Variants in SBF2 observed in about 807,000 individuals in gnomAD.
The protein encoded by SBF2 is SET binding factor 2.
SBF2 carries 112 observed loss-of-function variants against 225.2 expected under a neutral mutation model. That is an observed-to-expected ratio of 0.50 (90% confidence interval 0.43 to 0.58). SBF2 has a LOEUF of 0.58. SBF2 is among the 20% of genes least tolerant of loss of function. SBF2 has a pLI of 0.00. For missense variants in SBF2, 1,996 were observed against 2,206.2 expected (o/e 0.90, Z 1.91); for synonymous variants, 763 against 773.3 (o/e 0.99, Z 0.22).
rs1356398800 is a variant in SBF2 at position 9,856,726 on chromosome 11, A to T, written c.2101-6T>A. ...TGGTCATCAGGAAGCTTATCCTAAA[A>T]AATAAAGCAACACAATCCAAAAGAG... On this transcript the variant is annotated splice_polypyrimidine_tract_variant and splice_region_variant and intron_variant, in intron 18 of 39. Coordinates refer to ENST00000256190, the MANE Select transcript of SBF2 (RefSeq NM_030962.4). 6.2e-7 allele frequency: 1 copy of T among 1,613,542 alleles called. No homozygotes were observed.
chr11:10,009,088 G>C (rs1273864138), intron 6 of SBF2, among the ~76,000 whole-genome samples: 2 of 152,286 alleles, frequency 1.3e-5, no homozygotes, highest in East Asian at 3.9e-4. Flanking sequence ...AGAGGCTCCA[G>C]GGCAGACATC....
chr11:10,258,017 A>T (rs1961020829), intron 1 of SBF2, among the ~76,000 whole-genome samples: 1 of 152,014 alleles, frequency 6.6e-6, no homozygotes, highest in Non-Finnish European at 1.5e-5. Flanking sequence ...ATTGTAGGAC[A>T]TATCAGAATT....
chr11:10,135,119 G>A (rs373070281), intron 2 of SBF2, among the ~76,000 whole-genome samples: 191 of 152,272 alleles, frequency 1.3e-3, no homozygotes, highest in Middle Eastern at 6.8e-3. Flanking sequence ...GCTCAACACC[G>A]CGTTGAAGTT....
At chr11:10,194,121 A>G (rs1291439936) in intron 1 of SBF2, 134 bp from the exon 2 acceptor site, 1 of 736,018 alleles carries the variant, frequency 1.4e-6, no homozygotes, top group Non-Finnish European at 2.4e-6. Context: ...CAAGTTTTAA[A>G]AAACATGTGA....
At chr11:9,934,374 G>A (rs7129288) in intron 16 of SBF2, among the ~76,000 whole-genome samples, 4 of 152,064 alleles carry the variant, frequency 2.6e-5, no homozygotes, top group East Asian at 1.9e-4. Context: ...TTCTACCAGA[G>A]GTACAAAGAG....
At chr11:10,197,845 T>A (rs1212749168) in intron 1 of SBF2, among the ~76,000 whole-genome samples, 1 of 152,214 alleles carries the variant, frequency 6.6e-6, no homozygotes, top group African/African-American at 2.4e-5. Context: ...AAGAAACCAT[T>A]TTCTTTGTTT....
At chr11:10,101,175 C>G (rs1952284907) in intron 2 of SBF2, among the ~76,000 whole-genome samples, 1 of 152,214 alleles carries the variant, frequency 6.6e-6, no homozygotes, top group African/African-American at 2.4e-5. Context: ...GGAAGCTCAA[C>G]AGGCCTGACT....
At position 10,132,837 on chromosome 11, in the gene SBF2, G is replaced by T. The variant is rs539977237; in HGVS notation, c.141+61065C>A. ...GGCCTGTTTTGTCAGGGCGCTGATT[G>T]GTGCGTTTACAATCCCTGAGCTAGA... On this transcript the variant is annotated intron_variant, in intron 2 of 39. Transcript: ENST00000256190. Among the ~76,000 whole-genome samples the T allele has an allele frequency of 2.0e-5, 3 of 148,970 alleles. 1 individual carries two copies. In the East Asian group the frequency reaches 6.6e-4, roughly 33 times the overall value.
intron 16 of SBF2, chr11:9,958,391 G>GCT (rs1255963411): frequency 1.5e-5 from 2 of 134,270 alleles, no homozygotes; most frequent in South Asian, 2.3e-4. Flanking sequence ...ACGGAGTCTC[G>GCT]CTGTCGCCCA....
intron 3 of SBF2, among the ~76,000 whole-genome samples, chr11:10,037,582 CA>C (rs1042026539): frequency 6.6e-6 from 1 of 151,886 alleles, no homozygotes; most frequent in Admixed American, 6.6e-5. Context: ...ACATGTCCAT[CA>C]GGGGATTAAT....
chr11:10,126,743 G>T (rs1264076615), intron 2 of SBF2, among the ~76,000 whole-genome samples: 1 of 152,046 alleles, frequency 6.6e-6, no homozygotes, highest in Admixed American at 6.6e-5. Context: ...CCATGCTTAT[G>T]GCAGTACTAG....
Position 9,969,128 on chromosome 11 carries a change from A to AT in SBF2, c.1396-584dup, listed in dbSNP as rs550972215. ...CCTCACATCAGTAAATGGCACATTT[A>AT]TTTTTTCCAATCATTTAGACAAAAA... On this transcript the variant is annotated intron_variant, in intron 13 of 39. Transcript: ENST00000256190. Among the ~76,000 whole-genome samples the AT allele has an allele frequency of 3.8e-3, 579 of 152,264 alleles. 4 individuals are homozygous for AT. Among genetic ancestry groups the AT allele is most frequent in the South Asian group, 5.4e-3 (26 of 4,830 alleles).
chr11:10,174,530 T>C (rs1324491521), intron 2 of SBF2, among the ~76,000 whole-genome samples: 5 of 152,106 alleles, frequency 3.3e-5, no homozygotes, highest in Admixed American at 1.3e-4. Flanking sequence ...CAAATCTACG[T>C]CTGACTGGTG....
At chr11:10,133,147 T>C (rs1447475725) in intron 2 of SBF2, among the ~76,000 whole-genome samples, 1 of 149,410 alleles carries the variant, frequency 6.7e-6, no homozygotes, top group African/African-American at 2.5e-5. Context: ...AACCTTGAGC[T>C]AAACACAGGG....
At chr11:10,202,751 G>A (rs1957613663) in intron 1 of SBF2, among the ~76,000 whole-genome samples, 1 of 152,218 alleles carries the variant, frequency 6.6e-6, no homozygotes, top group Admixed American at 6.5e-5. Flanking sequence ...TTGCGCCACT[G>A]CACTCCAGCC....
intron 6 of SBF2, among the ~76,000 whole-genome samples, chr11:10,019,424 C>CA (rs1042194976): frequency 4.0e-5 from 6 of 151,896 alleles, no homozygotes; most frequent in Non-Finnish European, 7.4e-5. Context: ...ATTCAACTGT[C>CA]AAAAAATAAT....
chr11:10,301,244 A>C (rs1003924627), intron 1 of SBF2, among the ~76,000 whole-genome samples: 1 of 152,136 alleles, frequency 6.6e-6, no homozygotes, highest in Non-Finnish European at 1.5e-5. Flanking sequence ...AACTTGGTCA[A>C]CCTCCCGGAA....
At chr11:9,939,081 TTTTATTTTATTTTA>T (rs1865086388) in intron 16 of SBF2, among the ~76,000 whole-genome samples, 1 of 152,088 alleles carries the variant, frequency 6.6e-6, no homozygotes, top group African/African-American at 2.4e-5. Context: ...TATTTCTTTA[TTTTATTTTATTTTA>T]TTTATTTTAT....
intron 33 of SBF2, among the ~76,000 whole-genome samples, chr11:9,794,976 C>T (rs1480544366): frequency 6.6e-6 from 1 of 152,018 alleles, no homozygotes; most frequent in Non-Finnish European, 1.5e-5. Context: ...CTGAGAACAT[C>T]AGTAAATATT....
Sources: gnomAD v4.1 joint callset for allele counts (sites outside exome capture counted in the v4.1 genomes callset) on GRCh38, gnomAD v4.1.1 for gene constraint, MANE v1.5 for transcripts, NCBI Gene and HGNC (gene_info 2026-07-23, HGNC 2026-07-21) for gene names.